RAB22A: variants seen among roughly 807,000 people sequenced by gnomAD.
The protein encoded by RAB22A is ras-related protein Rab-22A.
RAB22A carries 13 observed loss-of-function variants against 30.2 expected under a neutral mutation model. The observed-to-expected ratio is 0.43, with a 90% CI of 0.28 to 0.68. The LOEUF is 0.68. Ranked by LOEUF, RAB22A falls within the 30% of genes least tolerant of loss-of-function variation. RAB22A has a pLI of 0.18. For synonymous variants in RAB22A, 89 were observed against 87.2 expected, an observed-to-expected ratio of 1.02 and a Z score of -0.11; for missense variants, 177 against 246.8, an observed-to-expected ratio of 0.72 and a Z score of 1.89.
intron 3 of RAB22A, among the ~76,000 whole-genome samples, chr20:58,352,130 A>G (rs552721992): frequency 6.6e-6 from 1 of 152,310 alleles, no homozygotes; most frequent in South Asian, 2.1e-4. Context: ...TTAGTGGATG[A>G]TATTCACACA....
At chr20:58,335,114 G>T (rs1986725597) in intron 2 of RAB22A, among the ~76,000 whole-genome samples, 1 of 152,174 alleles carries the variant, frequency 6.6e-6, no homozygotes. Context: ...CAAAACCATT[G>T]TTAAATGAAA....
chr20:58,358,760 C>T (rs939316662), intron 6 of RAB22A, among the ~76,000 whole-genome samples: 1 of 152,020 alleles, frequency 6.6e-6, no homozygotes, highest in Non-Finnish European at 1.5e-5. Context: ...CCGGGCGTGG[C>T]GGTACACGCC....
intron 6 of RAB22A, among the ~76,000 whole-genome samples, chr20:58,354,767 C>T (rs77152884): frequency 0.025 from 3,857 of 152,128 alleles, 62 homozygotes; most frequent in African/African-American, 0.044. Context: ...CTCTGCAGAT[C>T]GTATCTATGT....
In RAB22A at chr20:58,363,907, G is replaced by A. The variant is rs1309364501; in HGVS notation, c.*4204G>A. On this transcript the variant is annotated 3_prime_UTR_variant, in exon 7 of 7. Transcript: ENST00000244040. Reference sequence around the variant, plus strand: ...TCATATTTTATAGTTTTAGAAAAAAGGGTTGGGGGTGGAATTTAGCCTAGA... The same window carrying A: ...TCATATTTTATAGTTTTAGAAAAAAAGGTTGGGGGTGGAATTTAGCCTAGA... 2 of 152,480 alleles carry A rather than the reference G, an allele frequency of 1.3e-5. No individual in the cohort carries two copies. The highest frequency in any genetic ancestry group is 2.9e-5 in the Non-Finnish European group (2 of 68,022). The allele number at this position is 152,480 out of a possible 1,614,324, so 9.4% of individuals were successfully genotyped here.
chr20:58,321,387 T>TCAGAGAACATA (rs1442221312), intron 2 of RAB22A, among the ~76,000 whole-genome samples: 2 of 151,968 alleles, frequency 1.3e-5, no homozygotes, highest in East Asian at 3.9e-4. Flanking sequence ...TCTATTGTGG[T>TCAGAGAACATA]CAGAGAACAT....
At chr20:58,338,201 A>G (rs1423632131) in intron 2 of RAB22A, among the ~76,000 whole-genome samples, 4 of 151,908 alleles carry the variant, frequency 2.6e-5, no homozygotes, top group Non-Finnish European at 4.4e-5. Flanking sequence ...TAATTTTTGT[A>G]TTTTTAGTAG....
chr20:58,336,654 G>A (rs1463726053), intron 2 of RAB22A, among the ~76,000 whole-genome samples: 2 of 152,180 alleles, frequency 1.3e-5, no homozygotes, highest in Non-Finnish European at 2.9e-5. Flanking sequence ...TTCAAACGAA[G>A]CAACATAATG....
At chr20:58,321,267 G>A (rs898338457) in intron 2 of RAB22A, among the ~76,000 whole-genome samples, 2 of 152,084 alleles carry the variant, frequency 1.3e-5, no homozygotes, top group African/African-American at 2.4e-5. Flanking sequence ...GGGAGGCTGA[G>A]GCAGGAGAAT....
At chr20:58,336,097 C>A (rs549007265) in intron 2 of RAB22A, among the ~76,000 whole-genome samples, 29 of 152,148 alleles carry the variant, frequency 1.9e-4, no homozygotes, top group Non-Finnish European at 3.4e-4. Context: ...GCAACCTCCA[C>A]CTCCTGGGTT....
chr20:58,350,658 A>C (rs1987033211), intron 3 of RAB22A, among the ~76,000 whole-genome samples: 1 of 152,206 alleles, frequency 6.6e-6, no homozygotes, highest in Non-Finnish European at 1.5e-5. Context: ...GGAAAGCAAA[A>C]ACCTATCAGT....
Position 58,311,031 on chromosome 20 carries a change from G to C in RAB22A, c.37-12G>C, listed in dbSNP as rs879064296. ...AAACTTTTTCTCAGTCCCTCATCTCGTTCTCTTTCAGGATACAGGTGTAGG... is the reference window on the plus strand; with the variant it reads ...AAACTTTTTCTCAGTCCCTCATCTCCTTCTCTTTCAGGATACAGGTGTAGG... On this transcript the variant is annotated splice_polypyrimidine_tract_variant and intron_variant, in intron 1 of 6. Transcript: ENST00000244040. The C allele has an allele frequency of 6.3e-7, 1 of 1,586,014 alleles. No homozygotes were observed. The highest frequency in any genetic ancestry group is 1.3e-5 in the African/African-American group (1 of 74,210).
At chr20:58,336,498 T>G (rs1986756659) in intron 2 of RAB22A, among the ~76,000 whole-genome samples, 1 of 152,120 alleles carries the variant, frequency 6.6e-6, no homozygotes, top group Non-Finnish European at 1.5e-5. Context: ...GCCTGGAATC[T>G]GGGGGGATAA....
intron 2 of RAB22A, among the ~76,000 whole-genome samples, chr20:58,335,458 A>T (rs970362974): frequency 4.6e-5 from 7 of 152,210 alleles, no homozygotes; most frequent in African/African-American, 7.2e-5. Context: ...AGAAAACTTG[A>T]TATACTTAGG....
At chr20:58,351,761 C>T (rs1048594581) in intron 3 of RAB22A, among the ~76,000 whole-genome samples, 1 of 152,150 alleles carries the variant, frequency 6.6e-6, no homozygotes, top group African/African-American at 2.4e-5. Context: ...TGCGGTGAGC[C>T]GAGATCACGC....
chr20:58,333,971 T>C (rs1164823174), intron 2 of RAB22A, among the ~76,000 whole-genome samples: 1 of 152,124 alleles, frequency 6.6e-6, no homozygotes, highest in Non-Finnish European at 1.5e-5. Context: ...GGTGGGAGGA[T>C]TGCTTGAGCC....
intron 2 of RAB22A, among the ~76,000 whole-genome samples, chr20:58,321,647 T>G (rs1022303571): frequency 1.3e-5 from 2 of 152,194 alleles, no homozygotes; most frequent in Non-Finnish European, 1.5e-5. Context: ...ATTTGTCTAT[T>G]TCTGTTTTTA....
chr20:58,339,278 C>T (rs1261515274), intron 2 of RAB22A, among the ~76,000 whole-genome samples: 1 of 152,190 alleles, frequency 6.6e-6, no homozygotes, highest in Non-Finnish European at 1.5e-5. Context: ...ATAATAAGAT[C>T]TGCCTAAGCA....
At chr20:58,321,742 A>G (rs1445014236) in intron 2 of RAB22A, among the ~76,000 whole-genome samples, 1 of 104,076 alleles carries the variant, frequency 9.6e-6, no homozygotes, top group African/African-American at 5.5e-5. Context: ...TATATAACAT[A>G]CATGTCATGT....
intron 2 of RAB22A, among the ~76,000 whole-genome samples, chr20:58,331,155 G>C (rs970585537): frequency 2.6e-5 from 4 of 152,094 alleles, no homozygotes; most frequent in African/African-American, 7.2e-5. Flanking sequence ...CAAGGTCTCT[G>C]TATTTACTGT....
Sources: allele counts gnomAD v4.1 joint callset (sites outside exome capture counted in the v4.1 genomes callset), GRCh38; gene constraint gnomAD v4.1.1; transcripts MANE v1.5; gene names NCBI Gene and HGNC (gene_info 2026-07-23, HGNC 2026-07-21).